PDAP1: variants seen among roughly 807,000 people sequenced by gnomAD.
The protein encoded by PDAP1 is 28 kDa heat- and acid-stable phosphoprotein.
PDAP1 carries 13 observed loss-of-function variants against 28.0 expected under a neutral mutation model. The observed-to-expected ratio is 0.46, with a 90% confidence interval of 0.30 to 0.74. PDAP1 has a LOEUF of 0.74. Ranked by LOEUF, PDAP1 falls within the 30% of genes least tolerant of loss-of-function variation. PDAP1 has a pLI of 0.07. For missense variants in PDAP1, 150 were observed against 230.0 expected, an observed-to-expected ratio of 0.65 and a Z score of 2.25; for synonymous variants, 77 against 85.1, an observed-to-expected ratio of 0.91 and a Z score of 0.52.
At chr7:99,402,115 G>T (rs889575104) in intron 3 of PDAP1, among the ~76,000 whole-genome samples, 29 of 151,074 alleles carry the variant, frequency 1.9e-4, no homozygotes, top group Non-Finnish European at 4.4e-5. Flanking sequence ...GGTAGTCCCA[G>T]CTATTCGGAA....
intron 3 of PDAP1, among the ~76,000 whole-genome samples, 178 bp from the exon 4 acceptor site, chr7:99,400,602 G>C (rs902653696): frequency 2.6e-5 from 4 of 152,174 alleles, no homozygotes; most frequent in Non-Finnish European, 5.9e-5. Context: ...ATCTTCATCA[G>C]CCTGGGAAGA....
intron 1 of PDAP1, among the ~76,000 whole-genome samples, chr7:99,405,421 G>A (rs796617587): frequency 4.0e-5 from 6 of 150,162 alleles, no homozygotes; most frequent in East Asian, 2.0e-4. Context: ...GTGCAGTGGC[G>A]CAATCTCGGC....
chr7:99,401,298 C>T (rs1315945881), intron 3 of PDAP1, among the ~76,000 whole-genome samples: 5 of 152,166 alleles, frequency 3.3e-5, no homozygotes, highest in Admixed American at 2.0e-4. Context: ...CACTCTTCTC[C>T]ACTGCCATTG....
rs773085531 is a variant in PDAP1, at chr7:99,394,779, T to TAA, written c.*1901_*1902dup. Reference sequence around the variant, plus strand: ...GTGGAGGTAATAAAATGCAACTGTGTAAAAAAAAAAAAAAAAAAAAAAGTA... The same window carrying TAA: ...GTGGAGGTAATAAAATGCAACTGTGTAAAAAAAAAAAAAAAAAAAAAAAAGTA... On this transcript the variant is annotated 3_prime_UTR_variant, in exon 6 of 6. Coordinates refer to ENST00000350498, the MANE Select transcript of PDAP1 (RefSeq NM_014891.7). The TAA allele has an allele frequency of 0.045, 42,276 of 932,622 alleles. 761 individuals are homozygous for TAA. Among genetic ancestry groups the TAA allele is most frequent in the African/African-American group, 0.17 (7,074 of 41,954 alleles). 57.8% of individuals were successfully genotyped at this position (932,622 alleles called of 1,614,324 possible).
At chr7:99,406,805 T>A (rs576071786) in intron 1 of PDAP1, among the ~76,000 whole-genome samples, 1 of 152,300 alleles carries the variant, frequency 6.6e-6, no homozygotes, top group South Asian at 2.1e-4. Context: ...CCTCCTCTGA[T>A]TCCTTACAGC....
At chr7:99,396,999 T>G (rs533775163) in intron 5 of PDAP1, among the ~76,000 whole-genome samples, 1 of 152,280 alleles carries the variant, frequency 6.6e-6, no homozygotes, top group Admixed American at 6.5e-5. Flanking sequence ...CACACTCTTG[T>G]GGGCAAACGG....
chr7:99,397,140 G>A (rs973450009), intron 5 of PDAP1, among the ~76,000 whole-genome samples: 2 of 152,176 alleles, frequency 1.3e-5, no homozygotes, highest in Admixed American at 6.5e-5. Context: ...GTGAAGCAGG[G>A]TTGAATGGGA....
rs532908089 is a variant in PDAP1 at position 99,400,269 on chromosome 7, TC to T, written c.335+33del. 307 of 1,611,552 alleles carry T rather than the reference TC, an allele frequency of 1.9e-4. No individual in the cohort carries two copies. The African/African-American group carries it at 3.5e-3, about 18-fold the overall frequency. ...CCACAGGCCAACTGCTGGCCTGTAT[TC>T]CCCGTGACACAAGGCCCAGCCAGTG... is the stretch of plus-strand genomic sequence containing the variant. On this transcript the variant is annotated intron_variant, in intron 4 of 5. Coordinates refer to ENST00000350498, the MANE Select transcript of PDAP1 (RefSeq NM_014891.7).
Position 99,396,787 on chromosome 7 carries a change from C to T in PDAP1, c.488-47G>A, listed in dbSNP as rs752995171. On this transcript the variant is annotated intron_variant, in intron 5 of 5. Coordinates refer to ENST00000350498, the MANE Select transcript of PDAP1 (RefSeq NM_014891.7). ...GGGGTTAAAACAAAGCAACCCCCCA[C>T]CCCCTCCCAACACACGTGCCAGAAC... 2.0e-6 allele frequency: 3 copies of T among 1,471,522 alleles called. No homozygotes were observed. In the South Asian group the frequency reaches 3.4e-5, roughly 17 times the overall value. The allele number at this position is 1,471,522 out of a possible 1,614,324, so 91.2% of individuals were successfully genotyped here.
chr7:99,406,607 A>G lies in PDAP1; in HGVS notation c.14-1654T>C, dbSNP rs1794976271. On this transcript the variant is annotated intron_variant, in intron 1 of 5. Coordinates refer to ENST00000350498, the MANE Select transcript of PDAP1 (RefSeq NM_014891.7). ...CACCAGGCTGACCCTTGCTTAAGCC[A>G]TCAGCCAGTTTTAAAGCAAGGTGGC... 4 of 985,292 alleles carry G rather than the reference A, an allele frequency of 4.1e-6. No homozygotes were observed. The Admixed American group carries it at 2.5e-4, about 61-fold the overall frequency. 61.0% of individuals were successfully genotyped at this position (985,292 alleles called of 1,614,324 possible). A position where few individuals can be genotyped will look rare whatever the true frequency, so the allele number is the denominator to read the frequency against.
chr7:99,401,700 CTTTT>C (rs1180114357), intron 3 of PDAP1, among the ~76,000 whole-genome samples: 1 of 140,426 alleles, frequency 7.1e-6, no homozygotes, highest in Admixed American at 7.1e-5. Context: ...CTAAAATAAT[CTTTT>C]TTTTTTTTTT....
intron 4 of PDAP1, 117 bp from the exon 5 acceptor site, chr7:99,398,130 T>C: frequency 8.9e-7 from 1 of 1,123,202 alleles, no homozygotes; most frequent in Non-Finnish European, 1.3e-6. Flanking sequence ...AGGGGTGCCC[T>C]GGCTGTGAGT....
At chr7:99,402,878 CAA>C (rs543294031) in intron 3 of PDAP1, among the ~76,000 whole-genome samples, 7 of 72,066 alleles carry the variant, frequency 9.7e-5, no homozygotes, top group Admixed American at 1.6e-4. Context: ...CACTTCATCT[CAA>C]AAAAAAAAAA....
At chr7:99,405,049 G>A in intron 1 of PDAP1, 96 bp from the exon 2 acceptor site, 2 of 849,112 alleles carry the variant, frequency 2.4e-6, no homozygotes, top group Non-Finnish European at 3.8e-6. Flanking sequence ...CTCATCGGAG[G>A]CCTCACCTAC....
At chr7:99,406,265 G>T (rs10271695) in intron 1 of PDAP1, among the ~76,000 whole-genome samples, 1 of 151,852 alleles carries the variant, frequency 6.6e-6, no homozygotes, top group Non-Finnish European at 1.5e-5. Context: ...TAAAAAAATC[G>T]CTGTTCGTTA....
In PDAP1 at chr7:99,394,718, C is replaced by G; in HGVS notation, c.*1964G>C. 2 of 1,324,536 alleles carry G rather than the reference C, an allele frequency of 1.5e-6. No individual in the cohort carries two copies. Among genetic ancestry groups the G allele is most frequent in the South Asian group, 2.2e-5 (1 of 45,776 alleles). The allele number at this position is 1,324,536 out of a possible 1,614,324, so 82.0% of individuals were successfully genotyped here. ...TTATTGAAAAAAAAAAAAAATGCCC[C>G]CAAAGCACTATGCTGGTCATGAACT... On this transcript the variant is annotated 3_prime_UTR_variant, in exon 6 of 6. Coordinates refer to ENST00000350498, the MANE Select transcript of PDAP1 (RefSeq NM_014891.7).
At chr7:99,402,353 C>T (rs1056467541) in intron 3 of PDAP1, among the ~76,000 whole-genome samples, 1 of 151,576 alleles carries the variant, frequency 6.6e-6, no homozygotes, top group African/African-American at 2.4e-5. Flanking sequence ...CTGCTGCAAT[C>T]TCAACACCTC....
intron 4 of PDAP1, among the ~76,000 whole-genome samples, chr7:99,399,536 G>A (rs1437389348): frequency 2.6e-5 from 4 of 152,210 alleles, no homozygotes; most frequent in Non-Finnish European, 5.9e-5. Flanking sequence ...GAACACCCAG[G>A]TTGCTGGGTT....
At chr7:99,398,462 CAA>C (rs1290204220) in intron 4 of PDAP1, among the ~76,000 whole-genome samples, 4 of 152,202 alleles carry the variant, frequency 2.6e-5, no homozygotes, top group Non-Finnish European at 4.4e-5. Context: ...GAGGCCAAGA[CAA>C]GAGGATCACT....
Sources: gnomAD v4.1 joint callset for allele counts (sites outside exome capture counted in the v4.1 genomes callset) on GRCh38, gnomAD v4.1.1 for gene constraint, MANE v1.5 for transcripts, NCBI Gene and HGNC (gene_info 2026-07-23, HGNC 2026-07-21) for gene names.